Variants in RTN1 observed in about 807,000 individuals in gnomAD.
The protein encoded by RTN1 is reticulon 1.
Under a neutral mutation model 65.5 loss-of-function variants are expected in RTN1, and 25 were observed. That is an observed-to-expected ratio of 0.38 (90% CI 0.28 to 0.53). The LOEUF is 0.53. Among genes scored for constraint, RTN1 ranks in the 20% least tolerant of loss-of-function variants. The pLI is 0.79. For missense variants in RTN1, 983 were observed against 1,025.4 expected (o/e 0.96, Z 0.57); for synonymous variants, 471 against 447.6 (o/e 1.05, Z -0.66).
At chr14:59,746,563 C>G in intron 1 of RTN1, 82 bp from the exon 2 acceptor site, 1 of 1,206,854 alleles carries the variant, frequency 8.3e-7, no homozygotes, top group East Asian at 2.3e-5. Flanking sequence ...CCCACCCCTG[C>G]CTGGTGAAGA....
rs1882285721 is a variant in RTN1, at chr14:59,622,579, G to GT, written c.1766-15088dup. Among the ~76,000 whole-genome samples, 6 of 152,288 alleles carry GT rather than the reference G, an allele frequency of 3.9e-5. No individual in the cohort carries two copies. In the South Asian group the frequency reaches 1.2e-3, roughly 32 times the overall value. ...TGTCCAAAGAGGTGATTAAGAGCCA[G>GT]TTTTTTTCTGACTGATTTTCATGAA... On this transcript the variant is annotated intron_variant, in intron 3 of 8. Transcript: ENST00000267484.
chr14:59,676,966 C>G (rs1883640407), intron 3 of RTN1, among the ~76,000 whole-genome samples: 1 of 152,160 alleles, frequency 6.6e-6, no homozygotes, highest in Non-Finnish European at 1.5e-5. Flanking sequence ...ATGATGGGAA[C>G]AGATTGATCA....
rs918667008 is a variant in RTN1 at position 59,846,533 on chromosome 14, C to G, written c.241+23857G>C. The stretch of plus-strand genomic sequence containing the variant: ...AGACACCCTTCTGTTCAGTGTTTCT[C>G]AGTGGTTACCAAGTAAGCATAATGG... On this transcript the variant is annotated intron_variant, in intron 1 of 8. Coordinates refer to ENST00000267484, the MANE Select transcript of RTN1 (RefSeq NM_021136.3). This position sits in a 1 kb window ranked among gnomAD's most constrained non-coding sequence, Gnocchi z 4.8. Among the ~76,000 whole-genome samples the G allele has an allele frequency of 6.6e-6, 1 of 152,140 alleles. No homozygotes were observed. The highest frequency in any genetic ancestry group is 1.5e-5 in the Non-Finnish European group (1 of 68,030).
chr14:59,806,271 T>C (rs1214228788), intron 1 of RTN1, among the ~76,000 whole-genome samples: 4 of 151,084 alleles, frequency 2.6e-5, no homozygotes, highest in Admixed American at 1.3e-4. Flanking sequence ...ATTATATATA[T>C]TTGACTTAAT....
chr14:59,760,866 T>A (rs1474681337), intron 1 of RTN1, among the ~76,000 whole-genome samples: 1 of 152,218 alleles, frequency 6.6e-6, no homozygotes. Context: ...AACCAGAGAA[T>A]ACACTGTAGT....
chr14:59,760,885 G>T (rs897384049), intron 1 of RTN1, among the ~76,000 whole-genome samples: 1 of 152,150 alleles, frequency 6.6e-6, no homozygotes, highest in Non-Finnish European at 1.5e-5. Flanking sequence ...GTTCATCCTG[G>T]TCCCTCTAAA....
intron 1 of RTN1, among the ~76,000 whole-genome samples, chr14:59,797,536 A>C (rs1362023995): frequency 1.3e-5 from 2 of 152,162 alleles, no homozygotes; most frequent in Admixed American, 1.3e-4. Context: ...ATTTAGTAAA[A>C]AGAATACTCC....
chr14:59,864,089 A>G (rs1887757193), intron 1 of RTN1, among the ~76,000 whole-genome samples: 1 of 151,908 alleles, frequency 6.6e-6, no homozygotes, highest in Non-Finnish European at 1.5e-5. Context: ...TTAAAACTGA[A>G]CTCTAAATAT....
At chr14:59,750,265 A>ATATCTATAATATATTATATATT (rs372558235) in intron 1 of RTN1, among the ~76,000 whole-genome samples, 3 of 16,852 alleles carry the variant, frequency 1.8e-4, no homozygotes, top group Non-Finnish European at 2.6e-4. Context: ...TAATATATAT[A>ATATCTATAATATATTATATATT]ATATCTATAA....
intron 3 of RTN1, among the ~76,000 whole-genome samples, chr14:59,614,192 CTGAG>C (rs1160112434): frequency 3.9e-5 from 6 of 152,114 alleles, no homozygotes; most frequent in Non-Finnish European, 7.4e-5. Flanking sequence ...CTATCTTCTC[CTGAG>C]TATTTTCCTC....
chr14:59,800,710 C>T (rs1886529393), intron 1 of RTN1, among the ~76,000 whole-genome samples: 2 of 152,002 alleles, frequency 1.3e-5, no homozygotes, highest in African/African-American at 2.4e-5. Context: ...AAAAATACAT[C>T]TTAAAATAAT....
At chr14:59,841,501 G>C (rs565975875) in intron 1 of RTN1, among the ~76,000 whole-genome samples, 4 of 152,054 alleles carry the variant, frequency 2.6e-5, no homozygotes, top group African/African-American at 7.2e-5. Context: ...TTCGAGACCA[G>C]CCTGGCCAAC....
In RTN1 at chr14:59,727,572, G is replaced by A; in HGVS notation, c.1112C>T (p.Ala371Val). 2 of 1,612,276 alleles carry A rather than the reference G, an allele frequency of 1.2e-6. No individual in the cohort carries two copies. Among genetic ancestry groups the A allele is most frequent in the Non-Finnish European group, 1.7e-6 (2 of 1,179,624 alleles). Residue 371 changes from alanine (A) to valine (V), a missense_variant, in exon 3 of 9, where the codon GCC (alanine) becomes GTC (valine). Transcript: ENST00000267484. The surrounding 1 kb of genome is among the most constrained non-coding windows in gnomAD (Gnocchi z 4.2). The stretch of plus-strand genomic sequence containing the variant: ...CTGGCCCACCGGCCGTGGGTTCTCG[G>A]CGGTTTCATACGATAATCCCTTTGC... ...KEAKGLSYET[A>V]ENPRPVGQLA...
Position 59,745,759 on chromosome 14 carries a change from C to T in RTN1, c.964G>A (p.Glu322Lys). The change falls in exon 2 of 9, where the codon GAG (glutamate) becomes AAG (lysine). Residue 322 changes from glutamate (E) to lysine (K), a missense_variant. Coordinates refer to ENST00000267484, the MANE Select transcript of RTN1 (RefSeq NM_021136.3). ...GATCCTGGGCTGTCGTCTTCAGGCT[C>T]CGAGACAGTGACAGTGGGGACTGTG... is the stretch of plus-strand genomic sequence containing the variant. The part of the protein sequence containing the change: ...PDTVPTVTVS[E>K]PEDDSPGSIT... The T allele has an allele frequency of 6.2e-7, 1 of 1,613,892 alleles. No individual in the cohort carries two copies. Among genetic ancestry groups the T allele is most frequent in the Non-Finnish European group, 8.5e-7 (1 of 1,179,940 alleles).
intron 1 of RTN1, among the ~76,000 whole-genome samples, chr14:59,832,640 C>G (rs1357484013): frequency 6.6e-6 from 1 of 152,228 alleles, no homozygotes; most frequent in Non-Finnish European, 1.5e-5. Context: ...CACCACTACA[C>G]TGGGCATAAT....
At position 59,606,125 on chromosome 14, in the gene RTN1, T is replaced by TATATATATATATATAA. The variant is rs1345665820; in HGVS notation, c.1974-620_1974-619insTTATATATATATATAT. ...CATGATATATATATATATATATATA[T>TATATATATATATATAA]ATCATACCAGCTTAAGCCTCCTCTG... On this transcript the variant is annotated intron_variant, in intron 4 of 8. Transcript: ENST00000267484. 42 of 111,468 alleles carry TATATATATATATATAA rather than the reference T, an allele frequency of 3.8e-4. 2 individuals are homozygous for TATATATATATATATAA. Among genetic ancestry groups the TATATATATATATATAA allele is most frequent in the Admixed American group, 1.4e-3 (15 of 10,708 alleles). The allele number at this position is 111,468 out of a possible 1,614,324, so 6.9% of individuals were successfully genotyped here. A position where few individuals can be genotyped will look rare whatever the true frequency, so the allele number is the denominator to read the frequency against.
intron 1 of RTN1, among the ~76,000 whole-genome samples, chr14:59,775,837 G>A (rs1566723040): frequency 6.6e-6 from 1 of 152,134 alleles, no homozygotes; most frequent in African/African-American, 2.4e-5. Context: ...CTTTCATACA[G>A]CAGAAAGTTG....
chr14:59,725,199 C>A (rs1884732163), intron 3 of RTN1, among the ~76,000 whole-genome samples: 1 of 152,216 alleles, frequency 6.6e-6, no homozygotes, highest in Non-Finnish European at 1.5e-5. Context: ...GTCAGTCAGT[C>A]CCAGCTGTTG....
At chr14:59,775,748 T>G (rs1423514654) in intron 1 of RTN1, among the ~76,000 whole-genome samples, 1 of 152,206 alleles carries the variant, frequency 6.6e-6, no homozygotes, top group Non-Finnish European at 1.5e-5. Context: ...CATCTTCTAT[T>G]CCATGTACAT....
Sources: allele counts gnomAD v4.1 joint callset (sites outside exome capture counted in the v4.1 genomes callset), GRCh38; gene constraint gnomAD v4.1.1; non-coding constraint Gnocchi (gnomAD v3.1); transcripts MANE v1.5; gene names NCBI Gene and HGNC (gene_info 2026-07-23, HGNC 2026-07-21).